The following WDR35 variants were observed in gnomAD, a reference collection of about 807,000 sequenced individuals.
The protein encoded by WDR35 is WD repeat domain 35.
Under a neutral mutation model 158.3 loss-of-function variants are expected in WDR35, and 118 were observed. The ratio of observed to expected loss-of-function variants is 0.75; its 90% CI spans 0.64 to 0.87. The LOEUF (loss-of-function observed/expected upper bound fraction) is 0.87, where lower values mean the gene tolerates loss of function less well. Ranked by LOEUF, WDR35 falls within the 40% of genes least tolerant of loss-of-function variation. The probability of loss-of-function intolerance (pLI) is 0.00; values close to 1 mark genes in which losing one functional copy is unlikely to be tolerated. For synonymous variants in WDR35, 448 were observed against 476.1 expected (o/e 0.94, Z 0.77); for missense variants, 1,263 against 1,405.8 (o/e 0.90, Z 1.62).
intron 20 of WDR35, among the ~76,000 whole-genome samples, chr2:19,936,004 A>G (rs1193089018): frequency 1.3e-5 from 2 of 152,210 alleles, no homozygotes; most frequent in Non-Finnish European, 2.9e-5. Flanking sequence ...GCATGGAGCT[A>G]AGTACAAGTT....
Position 19,913,027 on chromosome 2 carries a change from A to T in WDR35, c.*531T>A, listed in dbSNP as rs187092318. On this transcript the variant is annotated 3_prime_UTR_variant, in exon 27 of 27. Transcript: ENST00000281405. ...ATTCAGATTGTAAAAAATGTCTTAA[A>T]ATGCCATCGCCTCACTTCTGAAAAT... The T allele has an allele frequency of 5.2e-3, 789 of 152,742 alleles. 2 individuals carry two copies. Among genetic ancestry groups the T allele is most frequent in the Admixed American group, 0.01 (157 of 15,342 alleles). 9.5% of individuals were successfully genotyped at this position (152,742 alleles called of 1,614,324 possible).
In WDR35 at chr2:19,913,725, AACAATTCATTAT is replaced by A. The variant is rs1270558293; in HGVS notation, c.3363-29_3363-18del. ...CCTTCTCCACTGTAAAACGGGGAGA[AACAATTCATTAT>A]ACTTTAAAACTTCTCATTAGTCTAA... On this transcript the variant is annotated intron_variant, in intron 26 of 26. Coordinates refer to ENST00000281405, the MANE Select transcript of WDR35 (RefSeq NM_020779.4). The A allele has an allele frequency of 3.7e-6, 6 of 1,613,954 alleles. No homozygotes were observed. The highest frequency in any genetic ancestry group is 5.1e-6 in the Non-Finnish European group (6 of 1,179,948).
chr2:19,977,309 A>G (rs1393874367), intron 5 of WDR35, among the ~76,000 whole-genome samples: 1 of 152,246 alleles, frequency 6.6e-6, no homozygotes, highest in East Asian at 1.9e-4. Flanking sequence ...TGAATGGCCT[A>G]TGGCATGACA....
Position 19,927,433 on chromosome 2 carries a change from C to T in WDR35, c.3121+2963G>A, listed in dbSNP as rs539121746. Among the ~76,000 whole-genome samples the T allele has an allele frequency of 3.3e-5, 5 of 152,308 alleles. No homozygotes were observed. In the East Asian group the frequency reaches 5.8e-4, roughly 18 times the overall value. On this transcript the variant is annotated intron_variant, in intron 25 of 26. Transcript: ENST00000281405. The stretch of plus-strand genomic sequence containing the variant: ...ATTGGTCCCCTAAGGGGATGTTTAG[C>T]TTGAATTGCACTTCTCAGTCTGTGT...
chr2:19,955,976 A>G (rs547755977), intron 11 of WDR35, among the ~76,000 whole-genome samples: 1 of 152,264 alleles, frequency 6.6e-6, no homozygotes, highest in East Asian at 1.9e-4. Flanking sequence ...ACTATTACCA[A>G]CCTCTGGAGG....
chr2:19,952,354 C>G (rs1305207302), intron 12 of WDR35, among the ~76,000 whole-genome samples: 1 of 152,066 alleles, frequency 6.6e-6, no homozygotes, highest in Non-Finnish European at 1.5e-5. Flanking sequence ...TAAGAAGTAC[C>G]CAATAAATGT....
At chr2:19,968,918 C>CTCCG (rs1280082678) in intron 9 of WDR35, among the ~76,000 whole-genome samples, 3 of 152,196 alleles carry the variant, frequency 2.0e-5, no homozygotes, top group African/African-American at 7.2e-5. Flanking sequence ...TTTCTACGAA[C>CTCCG]TCCGTCACCT....
intron 19 of WDR35, 150 bp downstream of exon 19, chr2:19,937,593 A>T (rs577565933): frequency 3.0e-6 from 3 of 998,608 alleles, no homozygotes; most frequent in East Asian, 5.2e-5. Context: ...AATGAGAGGC[A>T]TGTAGAATAT....
At chr2:19,951,525 G>A (rs1259852024) in intron 12 of WDR35, 41 bp from the exon 13 acceptor site, 15 of 1,449,904 alleles carry the variant, frequency 1.0e-5, no homozygotes, top group Non-Finnish European at 1.4e-5. Flanking sequence ...TTTAAGTATA[G>A]TTTATACTAT....
chr2:19,923,689 C>A (rs1039380110), intron 25 of WDR35, among the ~76,000 whole-genome samples: 1 of 152,124 alleles, frequency 6.6e-6, no homozygotes, highest in African/African-American at 2.4e-5. Context: ...AGTGACTGCT[C>A]TTAGTTCTAT....
At chr2:19,958,951 C>A (rs1280312078) in intron 11 of WDR35, among the ~76,000 whole-genome samples, 1 of 152,012 alleles carries the variant, frequency 6.6e-6, no homozygotes, top group Admixed American at 6.6e-5. Flanking sequence ...GGTGGCAAAA[C>A]AAAAATAATA....
In WDR35 at chr2:19,945,938, C is replaced by T. The variant is rs1318560892; in HGVS notation, c.1693G>A (p.Val565Ile). 6.2e-7 allele frequency: 1 copy of T among 1,613,932 alleles called. No homozygotes were observed. The part of the protein sequence containing the change: ...VLTFFDLDAR[V>I]TDSTGQQVVG... ...ACTTGCTGTCCCGTACTGTCCGTTACTCGAGCATCCAAGTCAAAGAAAGTC... is the reference window on the plus strand; with the variant it reads ...ACTTGCTGTCCCGTACTGTCCGTTATTCGAGCATCCAAGTCAAAGAAAGTC... Residue 565 changes from valine (V) to isoleucine (I), a missense_variant, in exon 16 of 27, where the codon GTA (valine) becomes ATA (isoleucine). By Grantham distance (29) the Val-to-Ile change is conservative (BLOSUM62 3). Coordinates refer to ENST00000281405, the MANE Select transcript of WDR35 (RefSeq NM_020779.4).
At chr2:19,973,859 A>G (rs557294553) in intron 7 of WDR35, 151 bp from the exon 8 acceptor site, 1 of 1,116,944 alleles carries the variant, frequency 9.0e-7, no homozygotes, top group South Asian at 1.5e-5. Context: ...TATAATCCCA[A>G]CACTTTAGGA....
intron 9 of WDR35, 59 bp from the exon 10 acceptor site, chr2:19,966,968 A>G (rs905826072): frequency 6.5e-7 from 1 of 1,534,126 alleles, no homozygotes; most frequent in Non-Finnish European, 9.0e-7. Flanking sequence ...ATTATTTAGT[A>G]TTGGGAAGGC....
At position 19,974,482 on chromosome 2, in the gene WDR35, T is replaced by G. The variant is rs138366348; in HGVS notation, c.722A>C (p.His241Pro). ...FDNGRCQIMR[H>P]ENDQNPVLID... ...AAATTCCTTACTTTGGTCATTCTCA[T>G]GTCTCATTATTTGGCATCTTCCATT... Residue 241 changes from histidine to proline, a missense_variant, in exon 7 of 27, where the codon CAT (histidine) becomes CCT (proline). Physicochemically the swap from His to Pro is moderately conservative, Grantham distance 77. Transcript: ENST00000281405. 2 of 1,608,954 alleles carry G rather than the reference T, an allele frequency of 1.2e-6. No individual in the cohort carries two copies. The highest frequency in any genetic ancestry group is 2.2e-5 in the East Asian group (1 of 44,686).
chr2:19,973,649 T>C lies in WDR35; in HGVS notation c.796A>G (p.Ser266Gly), dbSNP rs1672099438. The change falls in exon 8 of 27, where the codon AGC becomes GGC. Residue 266 changes from serine (S) to glycine (G), a missense_variant. By Grantham distance (56) the Ser-to-Gly change is moderately conservative (BLOSUM62 0). Coordinates refer to ENST00000281405, the MANE Select transcript of WDR35 (RefSeq NM_020779.4). ...TGGAAGCCTGCCACAGCTAACACGCTGCCCATGTGGTTCCACTGGATGCCT... is the reference window on the plus strand; with the variant it reads ...TGGAAGCCTGCCACAGCTAACACGCCGCCCATGTGGTTCCACTGGATGCCT... The part of the protein sequence containing the change: ...VVGIQWNHMG[S>G]VLAVAGFQKA... The C allele has an allele frequency of 3.1e-6, 5 of 1,614,236 alleles. No individual in the cohort carries two copies.
chr2:19,946,457 T>C lies in WDR35; in HGVS notation c.1634+4A>G, dbSNP rs1398468308. The C allele has an allele frequency of 2.5e-6, 4 of 1,611,772 alleles. No homozygotes were observed. Among genetic ancestry groups the C allele is most frequent in the Non-Finnish European group, 3.4e-6 (4 of 1,178,060 alleles). ...ATCTACATGAGCAGAGTTTTCAGGC[T>C]TACCTAGAGTTGCAATTCAAGGATA... On this transcript the variant is annotated splice_donor_region_variant and intron_variant, in intron 15 of 26. Coordinates refer to ENST00000281405, the MANE Select transcript of WDR35 (RefSeq NM_020779.4).
chr2:19,948,275 G>A, intron 13 of WDR35, 58 bp from the exon 14 acceptor site: 1 of 1,463,910 alleles, frequency 6.8e-7, no homozygotes, highest in Non-Finnish European at 9.5e-7. Context: ...TAACTAACCT[G>A]GTACAACGTA....
At position 19,973,686 on chromosome 2, in the gene WDR35, G is replaced by A. The variant is rs1347883991; in HGVS notation, c.759C>T (p.Gly253=). ...NDQNPVLIDT[G]MYVVGIQWNH... ...TCCACTGGATGCCTACTACGTACAT[G>A]CCAGTGTCAATCAAAACGGGATCTA... The change falls in exon 8 of 27, where the codon GGC becomes GGT. Residue 253 remains glycine, a synonymous_variant. Coordinates refer to ENST00000281405, the MANE Select transcript of WDR35 (RefSeq NM_020779.4). 1.2e-6 allele frequency: 2 copies of A among 1,614,082 alleles called. No individual in the cohort carries two copies. Among genetic ancestry groups the A allele is most frequent in the East Asian group, 4.5e-5 (2 of 44,886 alleles).
Sources: gnomAD v4.1 joint callset for allele counts (sites outside exome capture counted in the v4.1 genomes callset) on GRCh38, gnomAD v4.1.1 for gene constraint, MANE v1.5 for transcripts, NCBI Gene and HGNC (gene_info 2026-07-23, HGNC 2026-07-21) for gene names.